The following FHIT variants were observed in gnomAD, a reference collection of about 807,000 sequenced individuals.
FHIT encodes bis(5'-adenosyl)-triphosphatase.
A neutral mutation model predicts 17.9 loss-of-function variants in FHIT; 19 were observed. That is an observed-to-expected ratio of 1.06 (90% CI 0.74 to 1.56). The LOEUF is 1.56. Ranked by LOEUF, FHIT falls within the 40% of genes most tolerant of loss-of-function variation. FHIT has a pLI of 0.00. For synonymous variants in FHIT, 81 were observed against 69.7 expected, an observed-to-expected ratio of 1.16 and a Z score of -0.81; for missense variants, 248 against 189.2, an observed-to-expected ratio of 1.31 and a Z score of -1.82.
At chr3:59,880,341 G>A (rs1377443845) in intron 8 of FHIT, among the ~76,000 whole-genome samples, 2 of 152,098 alleles carry the variant, frequency 1.3e-5, no homozygotes. Context: ...CTTCCCCAAG[G>A]AACCTGCCTT....
intron 5 of FHIT, among the ~76,000 whole-genome samples, chr3:60,436,807 A>C (rs2030293462): frequency 6.6e-6 from 1 of 152,118 alleles, no homozygotes; most frequent in Admixed American, 6.6e-5. Flanking sequence ...GTCAAATTTT[A>C]TTCATTTTTT....
intron 8 of FHIT, among the ~76,000 whole-genome samples, chr3:59,757,028 A>G (rs1207007607): frequency 6.6e-6 from 1 of 152,160 alleles, no homozygotes; most frequent in African/African-American, 2.4e-5. Flanking sequence ...TCAGTGCACT[A>G]TATTTCTCCA....
chr3:59,933,856 AAAG>A (rs1706093029), intron 7 of FHIT, among the ~76,000 whole-genome samples: 1 of 152,196 alleles, frequency 6.6e-6, no homozygotes, highest in African/African-American at 2.4e-5. Context: ...GGGGAAAAAC[AAAG>A]AAGAAAGGAA....
chr3:60,764,921 A>C (rs1478252114), intron 4 of FHIT, among the ~76,000 whole-genome samples: 4 of 152,306 alleles, frequency 2.6e-5, no homozygotes, highest in African/African-American at 9.6e-5. Context: ...CATTGAAACC[A>C]GGATTTTCAG....
chr3:60,325,161 A>G (rs1045441773), intron 5 of FHIT, among the ~76,000 whole-genome samples: 3 of 152,190 alleles, frequency 2.0e-5, no homozygotes, highest in Non-Finnish European at 4.4e-5. Context: ...ATTAAAGAAG[A>G]AAAACATACC....
intron 4 of FHIT, among the ~76,000 whole-genome samples, chr3:60,640,273 T>C (rs9843949): frequency 0.26 from 40,093 of 151,990 alleles, 5,588 homozygotes; most frequent in East Asian, 0.52. Flanking sequence ...CAGTTTATTA[T>C]ATACACACTA....
rs114387505 is a variant in FHIT at position 60,676,701 on chromosome 3, A to G, written c.-17-139722T>C. Among the ~76,000 whole-genome samples, 1,276 of 152,288 alleles carry G rather than the reference A, an allele frequency of 8.4e-3. 16 individuals carry two copies. The highest frequency in any genetic ancestry group is 0.029 in the African/African-American group (1,211 of 41,560). On this transcript the variant is annotated intron_variant, in intron 4 of 9. Transcript: ENST00000492590. ...AGAGGCCTACAGCCTCTCCTGGAAAATCTTGGGAGACCAAATAGGTTTTGA... is the reference window on the plus strand; with the variant it reads ...AGAGGCCTACAGCCTCTCCTGGAAAGTCTTGGGAGACCAAATAGGTTTTGA...
At chr3:59,784,699 C>T (rs886861556) in intron 8 of FHIT, among the ~76,000 whole-genome samples, 4 of 152,152 alleles carry the variant, frequency 2.6e-5, no homozygotes, top group Admixed American at 6.5e-5. Context: ...AAAGTCAGTT[C>T]GGTGCTCCTT....
At chr3:60,028,020 G>T (rs1028395311) in intron 5 of FHIT, among the ~76,000 whole-genome samples, 1 of 152,028 alleles carries the variant, frequency 6.6e-6, no homozygotes, top group Non-Finnish European at 1.5e-5. Flanking sequence ...CCACCCTGTA[G>T]CTAGTAATCA....
At chr3:60,870,406 T>C (rs977105491) in intron 3 of FHIT, among the ~76,000 whole-genome samples, 2 of 152,104 alleles carry the variant, frequency 1.3e-5, no homozygotes, top group Non-Finnish European at 2.9e-5. Context: ...TTAAGCTCTG[T>C]CTAGGGAAAG....
intron 2 of FHIT, among the ~76,000 whole-genome samples, chr3:61,075,355 G>A (rs2106755285): frequency 6.6e-6 from 1 of 152,144 alleles, no homozygotes; most frequent in South Asian, 2.1e-4. Context: ...AAACATACAT[G>A]CACATACACA....
At chr3:60,552,781 G>A (rs1024282934) in intron 4 of FHIT, among the ~76,000 whole-genome samples, 1 of 152,212 alleles carries the variant, frequency 6.6e-6, no homozygotes, top group African/African-American at 2.4e-5. Flanking sequence ...CATCCAGTGA[G>A]AGAAGGAAAG....
At chr3:60,517,109 A>C (rs533739576) in intron 5 of FHIT, among the ~76,000 whole-genome samples, 1 of 152,294 alleles carries the variant, frequency 6.6e-6, no homozygotes, top group African/African-American at 2.4e-5. Context: ...ACAAATTCCA[A>C]GGTATCTCTT....
chr3:60,949,339 T>C (rs1316599715), intron 3 of FHIT, among the ~76,000 whole-genome samples: 1 of 152,328 alleles, frequency 6.6e-6, no homozygotes, highest in Admixed American at 6.5e-5. Flanking sequence ...TCAACCTTGC[T>C]ATGCCTGCAA....
At chr3:60,480,285 C>A (rs2033550668) in intron 5 of FHIT, among the ~76,000 whole-genome samples, 1 of 152,128 alleles carries the variant, frequency 6.6e-6, no homozygotes, top group South Asian at 2.1e-4. Flanking sequence ...CAGGTCTCTC[C>A]CTCAACATCT....
At chr3:60,063,567 G>T (rs1421256167) in intron 5 of FHIT, among the ~76,000 whole-genome samples, 10 of 152,072 alleles carry the variant, frequency 6.6e-5, no homozygotes, top group Non-Finnish European at 1.5e-4. Context: ...TTTTTTAGAA[G>T]GCCATTGAAA....
At chr3:61,193,735 G>A (rs1264616452) in intron 2 of FHIT, among the ~76,000 whole-genome samples, 1 of 152,124 alleles carries the variant, frequency 6.6e-6, no homozygotes, top group African/African-American at 2.4e-5. Flanking sequence ...GACACATCAT[G>A]AGCAACCACA....
chr3:61,139,482 G>A (rs2037012437), intron 2 of FHIT, among the ~76,000 whole-genome samples: 1 of 151,666 alleles, frequency 6.6e-6, no homozygotes, highest in African/African-American at 2.4e-5. Context: ...TCCAGGACCA[G>A]TATCAAGATC....
Position 60,040,215 on chromosome 3 carries a change from G to A in FHIT, c.104-26063C>T, listed in dbSNP as rs7616984. On this transcript the variant is annotated intron_variant, in intron 5 of 9. Transcript: ENST00000492590. ...GGCTGGAGTACAATGATGTGATCTCGGCTCACTGCAACCTCCGCCTCCCAG... is the reference window on the plus strand; with the variant it reads ...GGCTGGAGTACAATGATGTGATCTCAGCTCACTGCAACCTCCGCCTCCCAG... Among the ~76,000 whole-genome samples, 1,222 of 151,828 alleles carry A rather than the reference G, an allele frequency of 8.0e-3. 15 individuals are homozygous for A. The highest frequency in any genetic ancestry group is 0.028 in the African/African-American group (1,158 of 41,410).
Sources: allele counts gnomAD v4.1 joint callset (sites outside exome capture counted in the v4.1 genomes callset), GRCh38; gene constraint gnomAD v4.1.1; transcripts MANE v1.5; gene names NCBI Gene and HGNC (gene_info 2026-07-23, HGNC 2026-07-21).